The following NKAIN2 variants were observed in gnomAD, a reference collection of about 807,000 sequenced individuals.
The protein encoded by NKAIN2 is sodium/potassium transporting ATPase interacting 2.
In NKAIN2, 14 loss-of-function variants were observed where a neutral mutation model predicts 32.6. The observed-to-expected ratio is 0.43, with a 90% CI of 0.28 to 0.67. The LOEUF (loss-of-function observed/expected upper bound fraction) is 0.67, where lower values mean the gene tolerates loss of function less well. Among genes scored for constraint, NKAIN2 ranks in the 30% least tolerant of loss-of-function variants. The pLI, the probability that NKAIN2 is intolerant of heterozygous loss-of-function variation, is 0.17. For missense variants in NKAIN2, 198 were observed against 258.3 expected, an observed-to-expected ratio of 0.77 and a Z score of 1.60; for synonymous variants, 80 against 87.2, an observed-to-expected ratio of 0.92 and a Z score of 0.46.
chr6:123,892,755 T>A (rs1191587822), intron 1 of NKAIN2, among the ~76,000 whole-genome samples: 1 of 151,630 alleles, frequency 6.6e-6, no homozygotes, highest in East Asian at 2.0e-4. Flanking sequence ...GCATACTTTG[T>A]GGGAAGTGGT....
chr6:124,228,509 C>T (rs2689900), intron 1 of NKAIN2, among the ~76,000 whole-genome samples: 105,758 of 151,972 alleles, frequency 0.7, 37,042 homozygotes, highest in South Asian at 0.76. Context: ...CTCCAAAGCC[C>T]CATCTTCAAA....
intron 2 of NKAIN2, among the ~76,000 whole-genome samples, chr6:124,339,818 C>G (rs1263437175): frequency 6.6e-6 from 1 of 151,994 alleles, no homozygotes; most frequent in African/African-American, 2.4e-5. Flanking sequence ...TACTATTGTG[C>G]GTGTGGAAGG....
At chr6:124,600,360 A>T (rs946857384) in intron 3 of NKAIN2, among the ~76,000 whole-genome samples, 1 of 152,124 alleles carries the variant, frequency 6.6e-6, no homozygotes, top group Non-Finnish European at 1.5e-5. Context: ...ATAATATAGA[A>T]GCGGTCAATC....
intron 3 of NKAIN2, among the ~76,000 whole-genome samples, chr6:124,476,030 G>A (rs1422973963): frequency 6.7e-6 from 1 of 149,516 alleles, no homozygotes; most frequent in African/African-American, 2.5e-5. Flanking sequence ...GTGTGTGTGT[G>A]TGAGAGAGTG....
chr6:124,806,046 C>T (rs1370261218), intron 5 of NKAIN2, among the ~76,000 whole-genome samples: 1 of 137,150 alleles, frequency 7.3e-6, no homozygotes, highest in Non-Finnish European at 1.6e-5. Context: ...GAGAACGGAA[C>T]CAAGTTGGAA....
intron 4 of NKAIN2, among the ~76,000 whole-genome samples, chr6:124,680,402 AT>A (rs1260310626): frequency 2.0e-5 from 3 of 152,100 alleles, no homozygotes; most frequent in African/African-American, 7.2e-5. Context: ...TCATGAACTC[AT>A]TCAAAGCTGG....
chr6:124,239,469 T>G (rs534468807), intron 1 of NKAIN2, among the ~76,000 whole-genome samples: 4 of 152,252 alleles, frequency 2.6e-5, no homozygotes, highest in Admixed American at 2.6e-4. Flanking sequence ...GTCACACTTA[T>G]TCTAAAATTG....
At chr6:124,516,940 A>G (rs1402837639) in intron 3 of NKAIN2, among the ~76,000 whole-genome samples, 1 of 152,144 alleles carries the variant, frequency 6.6e-6, no homozygotes, top group Non-Finnish European at 1.5e-5. Flanking sequence ...TAATTAATCA[A>G]TGCTATAAAT....
intron 1 of NKAIN2, among the ~76,000 whole-genome samples, chr6:123,812,398 A>G (rs910319710): frequency 6.6e-6 from 1 of 152,242 alleles, no homozygotes; most frequent in African/African-American, 2.4e-5. Flanking sequence ...ATAGAATATT[A>G]TCAAGTTATT....
intron 1 of NKAIN2, among the ~76,000 whole-genome samples, chr6:123,914,332 A>G (rs1352646818): frequency 6.6e-6 from 1 of 151,886 alleles, no homozygotes; most frequent in African/African-American, 2.4e-5. Context: ...AAGATGAGAG[A>G]GAGGGAAAAA....
chr6:124,542,777 A>AATT (rs1779956809), intron 3 of NKAIN2, among the ~76,000 whole-genome samples: 1 of 152,184 alleles, frequency 6.6e-6, no homozygotes, highest in South Asian at 2.1e-4. Flanking sequence ...GCTCATGGTC[A>AATT]TCAATATAAT....
At chr6:123,923,511 A>C (rs769230909) in intron 1 of NKAIN2, among the ~76,000 whole-genome samples, 84 of 152,024 alleles carry the variant, frequency 5.5e-4, no homozygotes, top group Non-Finnish European at 9.3e-4. Context: ...TTTTGGCACT[A>C]TTCACAATAG....
chr6:124,521,276 G>A (rs867248369), intron 3 of NKAIN2, among the ~76,000 whole-genome samples: 1 of 152,040 alleles, frequency 6.6e-6, no homozygotes, highest in South Asian at 2.1e-4. Context: ...GACTGTAGGT[G>A]TTTTCTATAC....
chr6:124,257,790 T>A (rs1794019924), intron 1 of NKAIN2, among the ~76,000 whole-genome samples: 1 of 150,678 alleles, frequency 6.6e-6, no homozygotes, highest in African/African-American at 2.4e-5. Context: ...CTTTTTTTTT[T>A]TTTTTGAGAC....
At chr6:123,994,277 A>C (rs1354164697) in intron 1 of NKAIN2, among the ~76,000 whole-genome samples, 1 of 151,560 alleles carries the variant, frequency 6.6e-6, no homozygotes, top group African/African-American at 2.4e-5. Flanking sequence ...TGAACGGTGC[A>C]TAGAAAGGCT....
At chr6:124,397,259 AATAAT>A (rs1291532166) in intron 3 of NKAIN2, among the ~76,000 whole-genome samples, 1 of 152,058 alleles carries the variant, frequency 6.6e-6, no homozygotes, top group African/African-American at 2.4e-5. Flanking sequence ...TTGTAATTTA[AATAAT>A]ATAAATAAAT....
At chr6:124,533,219 C>T (rs1310489541) in intron 3 of NKAIN2, among the ~76,000 whole-genome samples, 5 of 151,970 alleles carry the variant, frequency 3.3e-5, no homozygotes, top group South Asian at 2.1e-4. Flanking sequence ...CATATTCTCA[C>T]ATCACCCCAG....
At chr6:123,857,035 T>C (rs2114969876) in intron 1 of NKAIN2, among the ~76,000 whole-genome samples, 1 of 152,326 alleles carries the variant, frequency 6.6e-6, no homozygotes, top group South Asian at 2.1e-4. Context: ...TTATTCCTCA[T>C]AGTTGAAGTA....
chr6:124,634,159 G>C (rs936384896), intron 3 of NKAIN2, among the ~76,000 whole-genome samples: 10 of 151,906 alleles, frequency 6.6e-5, no homozygotes, highest in African/African-American at 2.4e-4. Context: ...GGTTTCACCA[G>C]ATGTGCAGAT....
Sources: gnomAD v4.1 joint callset for allele counts (sites outside exome capture counted in the v4.1 genomes callset) on GRCh38, gnomAD v4.1.1 for gene constraint, MANE v1.5 for transcripts, NCBI Gene and HGNC (gene_info 2026-07-23, HGNC 2026-07-21) for gene names.